The following FRMPD2 variants were observed in gnomAD, a reference collection of about 807,000 sequenced individuals.
FRMPD2 encodes FERM and PDZ domain containing 2, also known as FERM and PDZ domain-containing protein 2.
Under a neutral mutation model 140.1 loss-of-function variants are expected in FRMPD2, and 96 were observed. That is an observed-to-expected ratio of 0.69 (90% CI 0.58 to 0.81). The LOEUF (loss-of-function observed/expected upper bound fraction) is 0.81. Among genes scored for constraint, FRMPD2 ranks in the 40% least tolerant of loss-of-function variants. The pLI, the probability that FRMPD2 is intolerant of heterozygous loss-of-function variation, is 0.00. For missense variants in FRMPD2, 1,240 were observed against 1,447.4 expected (o/e 0.86, Z 2.32); for synonymous variants, 449 against 547.6 (o/e 0.82, Z 2.52).
At position 48,236,346 on chromosome 10, in the gene FRMPD2, C is replaced by G. The variant is rs564659307; in HGVS notation, c.993+136G>C. The G allele has an allele frequency of 6.5e-5, 48 of 740,866 alleles. No individual in the cohort carries two copies. The African/African-American group carries it at 8.1e-4, about 12-fold the overall frequency. 45.9% of individuals were successfully genotyped at this position (740,866 alleles called of 1,614,324 possible). On this transcript the variant is annotated intron_variant, in intron 9 of 28. Coordinates refer to ENST00000374201, the MANE Select transcript of FRMPD2 (RefSeq NM_001018071.4). ...GCAGCAGTGGGAGGCAGTGATGGTT[C>G]TGGCAGAGGTCTGGGGGAAACTGAA...
chr10:48,185,847 T>G (rs1838672422), intron 17 of FRMPD2, among the ~76,000 whole-genome samples: 1 of 152,224 alleles, frequency 6.6e-6, no homozygotes, highest in South Asian at 2.1e-4. Flanking sequence ...TGAGCCTCTC[T>G]GGAGTGTCAC....
At chr10:48,162,007 C>T (rs1263788370) in intron 28 of FRMPD2, among the ~76,000 whole-genome samples, 1 of 150,494 alleles carries the variant, frequency 6.6e-6, no homozygotes, top group Non-Finnish European at 1.5e-5. Flanking sequence ...CAAAACCTTT[C>T]AATATCCAAA....
At chr10:48,255,526 T>G (rs1264584529) in intron 1 of FRMPD2, among the ~76,000 whole-genome samples, 1 of 152,174 alleles carries the variant, frequency 6.6e-6, no homozygotes, top group African/African-American at 2.4e-5. Flanking sequence ...CTGGTATATT[T>G]CAAGCTCTGT....
chr10:48,274,143 C>A (rs572166973), intron 1 of FRMPD2, among the ~76,000 whole-genome samples: 81 of 152,304 alleles, frequency 5.3e-4, no homozygotes, highest in African/African-American at 1.9e-3. Flanking sequence ...GTGCCTTACG[C>A]GTGTCACCCC....
At chr10:48,267,294 A>G (rs73298352) in intron 1 of FRMPD2, among the ~76,000 whole-genome samples, 6 of 152,342 alleles carry the variant, frequency 3.9e-5, no homozygotes, top group African/African-American at 9.6e-5. Flanking sequence ...CAATAAAAAC[A>G]AAGACATAGA....
At chr10:48,189,162 C>A (rs1248924578) in intron 16 of FRMPD2, among the ~76,000 whole-genome samples, 2 of 152,188 alleles carry the variant, frequency 1.3e-5, no homozygotes, top group East Asian at 3.8e-4. Context: ...GCTTTCCCTG[C>A]CAGCCTCAGA....
At chr10:48,192,973 A>G (rs2131849210) in intron 15 of FRMPD2, 79 bp from the exon 16 acceptor site, 3 of 1,065,158 alleles carry the variant, frequency 2.8e-6, no homozygotes, top group Non-Finnish European at 4.3e-6. Flanking sequence ...GTTGTAACAT[A>G]TCACTGGGCC....
rs1275836164 is a variant in FRMPD2, at chr10:48,158,100, G to T, written c.3882-730C>A. Among the ~76,000 whole-genome samples, 1,059 of 150,346 alleles carry T rather than the reference G, an allele frequency of 7.0e-3. 5 individuals are homozygous for T. The highest frequency in any genetic ancestry group is 9.7e-3 in the Non-Finnish European group (649 of 67,202). On this transcript the variant is annotated intron_variant, in intron 28 of 28. Coordinates refer to ENST00000374201, the MANE Select transcript of FRMPD2 (RefSeq NM_001018071.4). ...GCTCCTTGCCCTCTGGTTTTGATTC[G>T]GAGCTCCAGCTACTGGCTCTGCCTG...
At chr10:48,234,001 C>A (rs1839910548) in intron 9 of FRMPD2, among the ~76,000 whole-genome samples, 3 of 152,258 alleles carry the variant, frequency 2.0e-5, no homozygotes, top group Admixed American at 6.5e-5. Flanking sequence ...CAGGGACAAG[C>A]ATCTCACCCA....
At chr10:48,216,397 G>C (rs1839451718) in intron 12 of FRMPD2, among the ~76,000 whole-genome samples, 1 of 152,126 alleles carries the variant, frequency 6.6e-6, no homozygotes, top group African/African-American at 2.4e-5. Context: ...GGCTCATAGA[G>C]ACAGGTCTGG....
rs117315858 is a variant in FRMPD2, at chr10:48,250,289, C to T, written c.152-1111G>A. Among the ~76,000 whole-genome samples, 190 of 152,342 alleles carry T rather than the reference C, an allele frequency of 1.2e-3. 4 individuals carry two copies. In the East Asian group the frequency reaches 0.031, roughly 25 times the overall value. On this transcript the variant is annotated intron_variant, in intron 2 of 28. Coordinates refer to ENST00000374201, the MANE Select transcript of FRMPD2 (RefSeq NM_001018071.4). The stretch of plus-strand genomic sequence containing the variant: ...CTACCATCATCATGGGCTGCAAGCA[C>T]AGCTCCTCCCACAGATCTGAACCCC...
At chr10:48,217,556 T>TA (rs1333436414) in intron 12 of FRMPD2, among the ~76,000 whole-genome samples, 3 of 152,320 alleles carry the variant, frequency 2.0e-5, no homozygotes, top group Admixed American at 6.5e-5. Flanking sequence ...TCAGCATTTT[T>TA]AAAACGAATG....
intron 3 of FRMPD2, among the ~76,000 whole-genome samples, chr10:48,246,710 C>T (rs371019067): frequency 6.6e-6 from 1 of 152,208 alleles, no homozygotes; most frequent in Non-Finnish European, 1.5e-5. Flanking sequence ...GAACGAGGCC[C>T]AGGACTGGGG....
chr10:48,167,761 G>T (rs1448300365), intron 27 of FRMPD2, among the ~76,000 whole-genome samples: 1 of 152,210 alleles, frequency 6.6e-6, no homozygotes, highest in Non-Finnish European at 1.5e-5. Context: ...CACTGTGAAG[G>T]TATTTTTTTT....
intron 9 of FRMPD2, among the ~76,000 whole-genome samples, chr10:48,234,775 T>A (rs1839929363): frequency 1.3e-5 from 2 of 152,024 alleles, no homozygotes; most frequent in South Asian, 4.2e-4. Flanking sequence ...ATAACTAGGG[T>A]CCTAGACCTG....
intron 1 of FRMPD2, among the ~76,000 whole-genome samples, chr10:48,271,529 T>C (rs1180307130): frequency 6.6e-6 from 1 of 152,156 alleles, no homozygotes; most frequent in Non-Finnish European, 1.5e-5. Context: ...TGCACCATCC[T>C]ACACATCTCC....
At chr10:48,188,155 C>A (rs1397551520) in intron 16 of FRMPD2, among the ~76,000 whole-genome samples, 2 of 152,134 alleles carry the variant, frequency 1.3e-5, no homozygotes, top group Non-Finnish European at 2.9e-5. Flanking sequence ...CCAGACTGAC[C>A]CCCACCCCTC....
chr10:48,186,313 C>A (rs1435567951), intron 17 of FRMPD2, among the ~76,000 whole-genome samples: 2 of 152,214 alleles, frequency 1.3e-5, no homozygotes, highest in Admixed American at 1.3e-4. Context: ...CAGAAATTGG[C>A]AGACAAGTTA....
At position 48,172,845 on chromosome 10, in the gene FRMPD2, G is replaced by T; in HGVS notation, c.3223+101C>A. The stretch of plus-strand genomic sequence containing the variant: ...TCACTATGGCTCGCTTTCTTTTCAG[G>T]ACCCAGAGGAAGCCTTCCTGCCTTT... On this transcript the variant is annotated intron_variant, in intron 25 of 28. Coordinates refer to ENST00000374201, the MANE Select transcript of FRMPD2 (RefSeq NM_001018071.4). The T allele has an allele frequency of 3.6e-6, 3 of 826,498 alleles. No homozygotes were observed. The South Asian group carries it at 4.6e-5, about 13-fold the overall frequency. 51.2% of individuals were successfully genotyped at this position (826,498 alleles called of 1,614,324 possible).
Sources: allele counts gnomAD v4.1 joint callset (sites outside exome capture counted in the v4.1 genomes callset), GRCh38; gene constraint gnomAD v4.1.1; transcripts MANE v1.5; gene names NCBI Gene and HGNC (gene_info 2026-07-23, HGNC 2026-07-21).